Variants in IRAK1BP1 observed in about 807,000 individuals in gnomAD.
The protein encoded by IRAK1BP1 is interleukin-1 receptor-associated kinase 1-binding protein 1.
In IRAK1BP1, 24 loss-of-function variants were observed where a neutral mutation model predicts 28.0. That is an observed-to-expected ratio of 0.86 (90% confidence interval 0.62 to 1.20). The LOEUF (loss-of-function observed/expected upper bound fraction) is 1.20, where lower values mean the gene tolerates loss of function less well. Among genes scored for constraint, IRAK1BP1 ranks in the 50% most tolerant of loss-of-function variants. The pLI, the probability that IRAK1BP1 is intolerant of heterozygous loss-of-function variation, is 0.00. For synonymous variants in IRAK1BP1, 131 were observed against 116.3 expected, an observed-to-expected ratio of 1.13 and a Z score of -0.81; for missense variants, 336 against 316.7, an observed-to-expected ratio of 1.06 and a Z score of -0.46.
intron 1 of IRAK1BP1, among the ~76,000 whole-genome samples, chr6:78,876,091 A>T (rs1253534539): frequency 2.0e-5 from 3 of 151,898 alleles, no homozygotes; most frequent in African/African-American, 7.3e-5. Flanking sequence ...TGTAATCCCT[A>T]TGTGTCAAGG....
At chr6:78,922,844 AAT>A (rs1772777367) in intron 4 of IRAK1BP1, among the ~76,000 whole-genome samples, 1 of 152,188 alleles carries the variant, frequency 6.6e-6, no homozygotes, top group Non-Finnish European at 1.5e-5. Flanking sequence ...GTGAAGGAGA[AAT>A]AAAATCCTTT....
chr6:78,974,748 T>A, the IRAK1BP1 span, among the ~76,000 whole-genome samples: 1 of 152,034 alleles, frequency 6.6e-6, no homozygotes, highest in South Asian at 2.1e-4. Context: ...CAAACACTTC[T>A]ACGCAAATAA....
chr6:78,871,476 C>T, intron 1 of IRAK1BP1: 1 of 985,558 alleles, frequency 1.0e-6, no homozygotes, highest in Non-Finnish European at 1.2e-6. Context: ...CCATGACACC[C>T]AGTAGGAGGT....
Position 78,900,410 on chromosome 6 carries a change from T to C in IRAK1BP1, c.*2076T>C, listed in dbSNP as rs1205824756. 2 of 152,234 alleles carry C rather than the reference T, an allele frequency of 1.3e-5. 1 individual carries two copies. The highest frequency in any genetic ancestry group is 3.8e-4 in the East Asian group (2 of 5,196). The allele number at this position is 152,234 out of a possible 1,614,324, so 9.4% of individuals were successfully genotyped here. On this transcript the variant is annotated 3_prime_UTR_variant, in exon 4 of 4. Coordinates refer to ENST00000369940, the MANE Select transcript of IRAK1BP1 (RefSeq NM_001010844.4). The stretch of plus-strand genomic sequence containing the variant: ...TACTTTCTTACAACATATTCCAGTA[T>C]ATAGTGTCCAGCTTCACCCACTTTT...
chr6:78,943,185 A>G (rs1258385502), intron 4 of IRAK1BP1, among the ~76,000 whole-genome samples: 1 of 152,174 alleles, frequency 6.6e-6, no homozygotes, highest in Non-Finnish European at 1.5e-5. Flanking sequence ...AAAATTACAT[A>G]TATGGCTTGT....
chr6:78,884,752 A>T (rs147108039), intron 1 of IRAK1BP1, among the ~76,000 whole-genome samples: 1 of 152,282 alleles, frequency 6.6e-6, no homozygotes, highest in East Asian at 1.9e-4. Flanking sequence ...GTAATTTTGT[A>T]TTAAAATATT....
the IRAK1BP1 span, among the ~76,000 whole-genome samples, chr6:78,962,914 A>C: frequency 1.3e-5 from 2 of 152,200 alleles, no homozygotes; most frequent in African/African-American, 4.8e-5. Flanking sequence ...AACCTAATTT[A>C]TAACTGTTTT....
At chr6:78,946,405 G>T in exon 5 of IRAK1BP1, 2 of 1,390,250 alleles carry the variant, frequency 1.4e-6, no homozygotes, top group South Asian at 1.6e-5. Flanking sequence ...ATGATTGTGA[G>T]CCTTTGAAAG....
intron 1 of IRAK1BP1, among the ~76,000 whole-genome samples, chr6:78,879,650 G>T (rs1771149540): frequency 6.6e-6 from 1 of 152,150 alleles, no homozygotes; most frequent in South Asian, 2.1e-4. Flanking sequence ...CTGCATTTTG[G>T]TATGAGAGTC....
At chr6:78,917,350 A>T (rs545729734) in intron 4 of IRAK1BP1, among the ~76,000 whole-genome samples, 5 of 152,220 alleles carry the variant, frequency 3.3e-5, no homozygotes, top group African/African-American at 1.2e-4. Flanking sequence ...GGTCTTTCAA[A>T]TTAGCCAGAC....
rs1420148948 is a variant in IRAK1BP1, at chr6:78,940,050, TTTCCC to T, written c.*68-5354_*68-5350del. 2.6e-5 allele frequency: 3 copies of T among 116,608 alleles called. No individual in the cohort carries two copies. The Admixed American group carries it at 3.0e-4, about 12-fold the overall frequency. 7.2% of individuals were successfully genotyped at this position (116,608 alleles called of 1,614,324 possible). On this transcript the variant is annotated intron_variant and NMD_transcript_variant, in intron 4 of 4. Transcript: ENST00000606868. ...TCAAATGTTTTCCAATGTGGATATG[TTTCCC>T]TTCATCAGTACATTTTCTCTTGTTT...
intron 4 of IRAK1BP1, among the ~76,000 whole-genome samples, chr6:78,919,482 C>T (rs1772659923): frequency 6.6e-6 from 1 of 152,040 alleles, no homozygotes; most frequent in Non-Finnish European, 1.5e-5. Flanking sequence ...AAAATCCAAA[C>T]AAGCACAATT....
At chr6:78,965,669 T>C in the IRAK1BP1 span, 42 of 1,196,510 alleles carry the variant, frequency 3.5e-5, no homozygotes, top group Non-Finnish European at 2.7e-5. Context: ...ATTAACTCCA[T>C]AATGGAGAAA....
chr6:78,909,271 A>G (rs1407699449), intron 4 of IRAK1BP1, among the ~76,000 whole-genome samples: 1 of 152,204 alleles, frequency 6.6e-6, no homozygotes, highest in Non-Finnish European at 1.5e-5. Context: ...AAATATCCTA[A>G]GTCAAAAACA....
At chr6:78,945,319 T>C (rs1475678433) in intron 4 of IRAK1BP1, 3 of 1,611,920 alleles carry the variant, frequency 1.9e-6, no homozygotes, top group Non-Finnish European at 2.5e-6. Flanking sequence ...TGACAGCTGA[T>C]GACTTTGAAA....
chr6:78,903,861 T>C (rs543223486), downstream of IRAK1BP1, among the ~76,000 whole-genome samples: 2 of 152,154 alleles, frequency 1.3e-5, no homozygotes, highest in South Asian at 2.1e-4. Context: ...TACAGACATA[T>C]AGTTTCAGTG....
chr6:78,950,329 T>C (rs1378029159), downstream of IRAK1BP1, among the ~76,000 whole-genome samples: 1 of 152,208 alleles, frequency 6.6e-6, no homozygotes, highest in Admixed American at 6.5e-5. Flanking sequence ...ACTCTTATTG[T>C]CTGGTTTTGA....
chr6:78,922,901 C>T (rs1188151805), intron 4 of IRAK1BP1, among the ~76,000 whole-genome samples: 1 of 152,120 alleles, frequency 6.6e-6, no homozygotes, highest in African/African-American at 2.4e-5. Flanking sequence ...CCAGGCCTGC[C>T]CTACAAGAGC....
the IRAK1BP1 span, among the ~76,000 whole-genome samples, chr6:78,964,172 ATTGAT>A: frequency 2.0e-5 from 3 of 152,206 alleles, no homozygotes; most frequent in Non-Finnish European, 4.4e-5. Flanking sequence ...ATGGTTACCA[ATTGAT>A]TTAAGATATT....
Sources: allele counts gnomAD v4.1 joint callset (sites outside exome capture counted in the v4.1 genomes callset), GRCh38; gene constraint gnomAD v4.1.1; transcripts MANE v1.5; gene names NCBI Gene and HGNC (gene_info 2026-07-23, HGNC 2026-07-21).